The following SSUH2 variants were observed in gnomAD, a reference collection of about 807,000 sequenced individuals.
The protein encoded by SSUH2 is ssu-2 homolog, also known as protein SSUH2 homolog.
In SSUH2, 47 loss-of-function variants were observed where a neutral mutation model predicts 55.3. The ratio of observed to expected loss-of-function variants is 0.85; its 90% CI spans 0.67 to 1.08. SSUH2 has a LOEUF of 1.08. Among genes scored for constraint, SSUH2 ranks in the 50% least tolerant of loss-of-function variants. The pLI is 0.00. For missense variants in SSUH2, 535 were observed against 490.7 expected (o/e 1.09, Z -0.85); for synonymous variants, 212 against 191.5 (o/e 1.11, Z -0.89).
intron 8 of SSUH2, chr3:8,627,493 C>A (rs770530721): frequency 7.2e-6 from 3 of 414,380 alleles, no homozygotes; most frequent in Non-Finnish European, 1.3e-5. Flanking sequence ...TATTGCATGA[C>A]GAGTTCCAGC....
chr3:8,661,013 A>C (rs1014562613), intron 6 of SSUH2, among the ~76,000 whole-genome samples: 1 of 152,154 alleles, frequency 6.6e-6, no homozygotes, highest in Non-Finnish European at 1.5e-5. Context: ...GTAAAGGGTG[A>C]CTCTGGAAGA....
intron 10 of SSUH2, among the ~76,000 whole-genome samples, chr3:8,624,825 C>A (rs1283751134): frequency 2.6e-5 from 4 of 152,096 alleles, no homozygotes; most frequent in Non-Finnish European, 5.9e-5. Flanking sequence ...GCTGAAGGTA[C>A]CTCTCACTTC....
intron 7 of SSUH2, 105 bp from the exon 8 acceptor site, chr3:8,627,888 T>A: frequency 2.1e-6 from 2 of 933,350 alleles, no homozygotes; most frequent in Non-Finnish European, 3.1e-6. Flanking sequence ...TTCCTCCCCC[T>A]GGGCCTTAGC....
upstream of SSUH2, among the ~76,000 whole-genome samples, chr3:8,645,704 A>T (rs1416782563): frequency 6.6e-6 from 1 of 152,162 alleles, no homozygotes; most frequent in Non-Finnish European, 1.5e-5. Context: ...TTCCTCAATG[A>T]CAACCTGGGA....
At chr3:8,644,648 T>TATC in intron 1 of SSUH2, 83 bp downstream of exon 1, 1 of 1,209,302 alleles carries the variant, frequency 8.3e-7, no homozygotes, top group Non-Finnish European at 1.2e-6. Context: ...TCCAACATAT[T>TATC]AGAGGTCAGA....
intron 11 of SSUH2, 122 bp downstream of exon 11, chr3:8,623,427 C>A: frequency 1.5e-6 from 1 of 689,314 alleles, no homozygotes; most frequent in Non-Finnish European, 2.6e-6. Context: ...TTCCCACACT[C>A]CTCCCCCGGG....
chr3:8,662,317 C>T (rs1044106598), intron 6 of SSUH2, among the ~76,000 whole-genome samples: 1 of 152,196 alleles, frequency 6.6e-6, no homozygotes, highest in Non-Finnish European at 1.5e-5. Context: ...GTGTGAAATG[C>T]GCACCTTTGT....
chr3:8,626,537 G>GCCCCC (rs58662232), intron 8 of SSUH2, among the ~76,000 whole-genome samples: 99 of 107,552 alleles, frequency 9.2e-4, no homozygotes, highest in South Asian at 1.9e-3. Context: ...TCTAGGGCCT[G>GCCCCC]CCCCCCCCCC....
At chr3:8,625,331 G>A (rs959424489) in intron 10 of SSUH2, among the ~76,000 whole-genome samples, 1 of 152,030 alleles carries the variant, frequency 6.6e-6, no homozygotes, top group Admixed American at 6.6e-5. Flanking sequence ...CATGGTGGGT[G>A]GGGAAGGACA....
chr3:8,625,557 C>T lies in SSUH2; in HGVS notation c.858G>A (p.Lys286=). The change falls in exon 10 of 12, where the codon AAG becomes AAA. Residue 286 remains lysine, a synonymous_variant. Transcript: ENST00000544814. Reference sequence around the variant, plus strand: ...GCCCTCTTACCACCGAGTTTTCATCCTTAAAGAGGTTTTCTCCTTTGGCTT... The same window carrying T: ...GCCCTCTTACCACCGAGTTTTCATCTTTAAAGAGGTTTTCTCCTTTGGCTT... ...LAKAKGENLF[K]DENSVVYPIV... 2 of 1,613,036 alleles carry T rather than the reference C, an allele frequency of 1.2e-6. No individual in the cohort carries two copies. The highest frequency in any genetic ancestry group is 2.2e-5 in the South Asian group (2 of 90,998).
chr3:8,628,731 G>A (rs981413695), intron 7 of SSUH2, among the ~76,000 whole-genome samples: 2 of 152,226 alleles, frequency 1.3e-5, no homozygotes, highest in East Asian at 1.9e-4. Flanking sequence ...CCCAGAAGCT[G>A]GGGGAGAGGA....
chr3:8,652,162 T>C (rs1292185488), intron 7 of SSUH2: 2 of 152,276 alleles, frequency 1.3e-5, no homozygotes, highest in African/African-American at 4.8e-5. Flanking sequence ...TGACACACAG[T>C]GTCCAAAGTG....
chr3:8,637,818 C>G (rs74376144), intron 1 of SSUH2, among the ~76,000 whole-genome samples: 4 of 150,766 alleles, frequency 2.7e-5, no homozygotes, highest in African/African-American at 1.0e-4. Flanking sequence ...AGCTGAACTG[C>G]CCCATCTCCT....
intron 3 of SSUH2, among the ~76,000 whole-genome samples, chr3:8,676,805 G>A (rs1349078338): frequency 1.3e-5 from 2 of 148,160 alleles, no homozygotes; most frequent in Admixed American, 6.6e-5. Flanking sequence ...CACCCCCAGT[G>A]AGGCGGGGAC....
At chr3:8,638,107 G>A (rs1029627675) in intron 1 of SSUH2, among the ~76,000 whole-genome samples, 1 of 152,174 alleles carries the variant, frequency 6.6e-6, no homozygotes. Context: ...CTGGGAATGG[G>A]CTTGAGGGGA....
intron 3 of SSUH2, among the ~76,000 whole-genome samples, chr3:8,672,434 C>T (rs568673213): frequency 5.9e-5 from 9 of 152,042 alleles, no homozygotes; most frequent in South Asian, 2.1e-4. Flanking sequence ...CAATATTACA[C>T]GGGTTTGTAC....
intron 2 of SSUH2, among the ~76,000 whole-genome samples, chr3:8,679,127 C>T (rs1274532608): frequency 2.3e-5 from 2 of 85,906 alleles, no homozygotes; most frequent in Admixed American, 2.2e-4. Context: ...ACCCAAATTG[C>T]GGGGGGGAGG....
At chr3:8,634,738 C>G in intron 3 of SSUH2, 1 of 417,768 alleles carries the variant, frequency 2.4e-6, no homozygotes, top group Non-Finnish European at 4.5e-6. Flanking sequence ...TCTCATGCTG[C>G]CCAGGTGAGA....
intron 10 of SSUH2, among the ~76,000 whole-genome samples, chr3:8,624,067 T>C (rs769736538): frequency 1.3e-5 from 2 of 152,172 alleles, no homozygotes; most frequent in Non-Finnish European, 2.9e-5. Context: ...GGATACAAAA[T>C]GAACCACAAA....
Sources: allele counts gnomAD v4.1 joint callset (sites outside exome capture counted in the v4.1 genomes callset), GRCh38; gene constraint gnomAD v4.1.1; transcripts MANE v1.5; gene names NCBI Gene and HGNC (gene_info 2026-07-23, HGNC 2026-07-21).